The following HYDIN variants were observed in gnomAD, a reference collection of about 807,000 sequenced individuals.
The protein encoded by HYDIN is axonemal central pair apparatus protein HYDIN.
In HYDIN, 132 loss-of-function variants were observed where a neutral mutation model predicts 403.9. That is an observed-to-expected ratio of 0.33 (90% CI 0.28 to 0.38). The LOEUF (loss-of-function observed/expected upper bound fraction) is 0.38. Ranked by LOEUF, HYDIN falls within the 10% of genes least tolerant of loss-of-function variation. The pLI is 1.00. For missense variants in HYDIN, 2,827 were observed against 5,009.5 expected (o/e 0.56, Z 13.15); for synonymous variants, 1,202 against 1,891.7 (o/e 0.64, Z 9.46).
At chr16:71,152,538 A>C in intron 7 of HYDIN, 121 bp downstream of exon 7, 2 of 944,712 alleles carry the variant, frequency 2.1e-6, no homozygotes, top group South Asian at 3.1e-5. Context: ...CAAGTCCACA[A>C]AATCCATTGT....
At position 70,842,916 on chromosome 16, in the gene HYDIN, T is replaced by C. The variant is rs1051054324; in HGVS notation, c.12874-2683A>G. 3.9e-5 allele frequency among the ~76,000 whole-genome samples: 6 copies of C among 151,932 alleles called. No homozygotes were observed. The East Asian group carries it at 7.7e-4, about 19-fold the overall frequency. ...CCTTGCCATTTGTTTTACTATATTC[T>C]TTTGAGTTGTTGTATTAGTGGTTGC... is the stretch of plus-strand genomic sequence containing the variant. On this transcript the variant is annotated intron_variant, in intron 75 of 85. Coordinates refer to ENST00000393567, the MANE Select transcript of HYDIN (RefSeq NM_001270974.2).
At position 71,203,360 on chromosome 16, in the gene HYDIN, T is replaced by C. The variant is rs113558973; in HGVS notation, c.-23-16442A>G. ...AGTTTCTGTCACTTGAAATCTAGCA[T>C]TCTCTATGACAATTACTATATTTGT... On this transcript the variant is annotated intron_variant, in intron 1 of 85. Coordinates refer to ENST00000393567, the MANE Select transcript of HYDIN (RefSeq NM_001270974.2). 8.5e-3 allele frequency among the ~76,000 whole-genome samples: 1,291 copies of C among 152,296 alleles called. 18 individuals are homozygous for C. The highest frequency in any genetic ancestry group is 0.03 in the African/African-American group (1,227 of 41,566).
At chr16:70,923,381 T>G (rs548176325) in intron 45 of HYDIN, among the ~76,000 whole-genome samples, 5 of 140,098 alleles carry the variant, frequency 3.6e-5, no homozygotes, top group African/African-American at 1.3e-4. Context: ...GGCAGGAGAA[T>G]TGCTTGAACC....
Position 71,134,781 on chromosome 16 carries a change from C to T in HYDIN, c.1043+2370G>A, listed in dbSNP as rs149797564. On this transcript the variant is annotated intron_variant, in intron 8 of 85. Coordinates refer to ENST00000393567, the MANE Select transcript of HYDIN (RefSeq NM_001270974.2). ...CAGTTACTTCAAGGACAAGAATTCA[C>T]GGCTTATAATAGGAAAGTTGTTTGC... 1.1e-4 allele frequency among the ~76,000 whole-genome samples: 17 copies of T among 152,296 alleles called. No individual in the cohort carries two copies. In the East Asian group the frequency reaches 2.3e-3, roughly 21 times the overall value.
At chr16:70,812,242 C>A (rs1378647484) in intron 84 of HYDIN, among the ~76,000 whole-genome samples, 1 of 132,026 alleles carries the variant, frequency 7.6e-6, no homozygotes, top group African/African-American at 2.9e-5. Flanking sequence ...GTAATCCCAG[C>A]ACTTTGGGAG....
rs2035191966 is a variant in HYDIN at position 70,807,850 on chromosome 16, G to T, written c.15096C>A (p.Ile5032=). The T allele has an allele frequency of 6.2e-7, 1 of 1,614,048 alleles. No homozygotes were observed. Among genetic ancestry groups the T allele is most frequent in the African/African-American group, 1.3e-5 (1 of 74,914 alleles). ...GGATGATTATGCTGTACCCGGCTCG[G>T]ATCGAGAAGGGACCTTGGGGCTTGG... ...LPPKPQGPFS[I]RAGYSIIIPF... The change falls in exon 86 of 86, where the codon ATC becomes ATA. Residue 5032 remains isoleucine, a synonymous_variant. Transcript: ENST00000393567.
At chr16:71,227,089 A>C (rs949107192) in intron 1 of HYDIN, among the ~76,000 whole-genome samples, 12 of 152,046 alleles carry the variant, frequency 7.9e-5, no homozygotes, top group African/African-American at 2.7e-4. Flanking sequence ...ACTGGGAGAA[A>C]TTATTCGCAA....
chr16:70,895,343 A>T (rs2143731982), intron 54 of HYDIN, among the ~76,000 whole-genome samples: 1 of 136,906 alleles, frequency 7.3e-6, no homozygotes, highest in Admixed American at 7.6e-5. Flanking sequence ...ACAAATACAG[A>T]GATTAATTTG....
chr16:70,831,305 T>G (rs2036966629), intron 80 of HYDIN, among the ~76,000 whole-genome samples: 1 of 150,072 alleles, frequency 6.7e-6, no homozygotes, highest in Non-Finnish European at 1.5e-5. Flanking sequence ...AGGTCAGGAG[T>G]TTGAGACCAA....
chr16:71,103,882 T>C (rs1237456292), intron 10 of HYDIN, among the ~76,000 whole-genome samples: 1 of 152,208 alleles, frequency 6.6e-6, no homozygotes, highest in East Asian at 1.9e-4. Flanking sequence ...TGAATAGCCA[T>C]ATTGAATTTA....
At chr16:71,043,054 T>C (rs985499591) in intron 18 of HYDIN, among the ~76,000 whole-genome samples, 1 of 151,700 alleles carries the variant, frequency 6.6e-6, no homozygotes, top group Admixed American at 6.6e-5. Context: ...TCCCCAGATT[T>C]TGTTAGTCTT....
At chr16:71,176,834 G>C (rs923318488) in intron 4 of HYDIN, among the ~76,000 whole-genome samples, 4 of 152,150 alleles carry the variant, frequency 2.6e-5, no homozygotes, top group East Asian at 1.9e-4. Context: ...GTGTGTGAGG[G>C]ACGGAGACAC....
At chr16:70,880,427 G>C in intron 60 of HYDIN, among the ~76,000 whole-genome samples, 1 of 149,784 alleles carries the variant, frequency 6.7e-6, no homozygotes, top group African/African-American at 2.5e-5. Flanking sequence ...GAGAAAGCTG[G>C]ATGAGAGAAT....
chr16:71,223,630 A>G (rs1159774727), intron 1 of HYDIN, among the ~76,000 whole-genome samples: 2 of 17,324 alleles, frequency 1.2e-4, no homozygotes, highest in East Asian at 4.5e-3. Context: ...AATCAGCAAG[A>G]AAAAAAAAAA....
At chr16:70,948,360 A>G (rs1339963711) in intron 41 of HYDIN, among the ~76,000 whole-genome samples, 2 of 152,138 alleles carry the variant, frequency 1.3e-5, no homozygotes, top group African/African-American at 4.8e-5. Context: ...AACCCTAGAA[A>G]AAAACCTAGG....
chr16:70,836,193 G>C (rs1373431629), intron 77 of HYDIN, among the ~76,000 whole-genome samples: 4 of 152,232 alleles, frequency 2.6e-5, no homozygotes, highest in Non-Finnish European at 5.9e-5. Context: ...GTTTCAGCCA[G>C]AGTGAGTGTG....
At chr16:70,901,792 G>C (rs1245558237) in intron 52 of HYDIN, among the ~76,000 whole-genome samples, 1 of 151,994 alleles carries the variant, frequency 6.6e-6, no homozygotes, top group African/African-American at 2.4e-5. Flanking sequence ...CACTGTGTTA[G>C]CCAGGCTGGT....
At chr16:71,134,310 C>A (rs2144525737) in intron 8 of HYDIN, among the ~76,000 whole-genome samples, 1 of 151,652 alleles carries the variant, frequency 6.6e-6, no homozygotes, top group Admixed American at 6.5e-5. Flanking sequence ...AAACAGTGGA[C>A]AGGCTCTTCA....
intron 11 of HYDIN, chr16:71,090,404 G>A (rs2083080314): frequency 6.6e-6 from 1 of 150,808 alleles, no homozygotes; most frequent in African/African-American, 2.5e-5. Flanking sequence ...TCATATTGCT[G>A]TAAAATTAAA....
Sources: gnomAD v4.1 joint callset for allele counts (sites outside exome capture counted in the v4.1 genomes callset) on GRCh38, gnomAD v4.1.1 for gene constraint, MANE v1.5 for transcripts, NCBI Gene and HGNC (gene_info 2026-07-23, HGNC 2026-07-21) for gene names.